LRRC4C: variants seen among roughly 807,000 people sequenced by gnomAD.
LRRC4C encodes leucine-rich repeat-containing protein 4C.
A neutral mutation model predicts 33.6 loss-of-function variants in LRRC4C; 5 were observed. The observed-to-expected ratio is 0.15, with a 90% CI of 0.08 to 0.31. LRRC4C has a LOEUF of 0.31. Ranked by LOEUF, LRRC4C falls within the 10% of genes least tolerant of loss-of-function variation. The pLI is 1.00. For synonymous variants in LRRC4C, 329 were observed against 302.0 expected (o/e 1.09, Z -0.93); for missense variants, 560 against 796.7 (o/e 0.70, Z 3.58).
chr11:41,218,763 AT>A (rs1184491274), intron 1 of LRRC4C, among the ~76,000 whole-genome samples: 5,641 of 108,652 alleles, frequency 0.052, 36 homozygotes, highest in Non-Finnish European at 0.071. Context: ...TGCATATGTC[AT>A]TTTTTTTTTT....
intron 2 of LRRC4C, among the ~76,000 whole-genome samples, chr11:40,766,661 T>C (rs560708970): frequency 1.3e-5 from 2 of 152,248 alleles, no homozygotes; most frequent in East Asian, 1.9e-4. Context: ...TTGACACATG[T>C]ATTATTTTGT....
At chr11:40,177,859 C>T (rs528887809) in intron 5 of LRRC4C, among the ~76,000 whole-genome samples, 8 of 152,212 alleles carry the variant, frequency 5.3e-5, no homozygotes, top group East Asian at 1.9e-4. Context: ...TGATGTACCC[C>T]GAGTGTTTAT....
intron 1 of LRRC4C, among the ~76,000 whole-genome samples, chr11:41,141,476 A>G (rs560109596): frequency 5.9e-4 from 90 of 152,312 alleles, no homozygotes; most frequent in African/African-American, 2.0e-3. Context: ...TTTTAATTTA[A>G]TTATACATGC....
intron 3 of LRRC4C, among the ~76,000 whole-genome samples, chr11:40,500,271 G>GATATATATATATATATATATATATATAT (rs377169790): frequency 9.5e-6 from 1 of 105,036 alleles, no homozygotes; most frequent in Non-Finnish European, 1.9e-5. Context: ...CCTAATGTCT[G>GATATATATATATATATATATATATATAT]ATATATATAT....
intron 2 of LRRC4C, among the ~76,000 whole-genome samples, chr11:40,676,653 T>C (rs558786312): frequency 3.3e-5 from 5 of 152,358 alleles, no homozygotes; most frequent in African/African-American, 1.2e-4. Context: ...CTATCATGCC[T>C]CTTCTCAGTC....
chr11:41,192,688 T>C (rs1196839169), intron 1 of LRRC4C, among the ~76,000 whole-genome samples: 1 of 151,990 alleles, frequency 6.6e-6, no homozygotes, highest in Admixed American at 6.6e-5. Flanking sequence ...AGAATTGCTA[T>C]GAAAAAGGCA....
intron 3 of LRRC4C, among the ~76,000 whole-genome samples, chr11:40,555,053 T>G (rs766298071): frequency 2.6e-5 from 4 of 152,160 alleles, no homozygotes; most frequent in Admixed American, 6.5e-5. Context: ...GGCTATTTAA[T>G]TGAATGTTAT....
intron 1 of LRRC4C, among the ~76,000 whole-genome samples, chr11:41,314,976 G>A (rs952833372): frequency 1.3e-5 from 2 of 152,056 alleles, no homozygotes; most frequent in African/African-American, 4.8e-5. Flanking sequence ...CTGATCTTGA[G>A]CAAACCATTT....
chr11:40,160,473 A>C (rs1240684980), intron 5 of LRRC4C, among the ~76,000 whole-genome samples: 1 of 152,184 alleles, frequency 6.6e-6, no homozygotes, highest in African/African-American at 2.4e-5. Flanking sequence ...GATGTTGATC[A>C]TATATACAAA....
At chr11:40,430,820 C>T (rs1298040244) in intron 3 of LRRC4C, among the ~76,000 whole-genome samples, 1 of 151,070 alleles carries the variant, frequency 6.6e-6, no homozygotes, top group East Asian at 2.0e-4. Context: ...AATTGGAAAT[C>T]ATCATTCTCA....
intron 3 of LRRC4C, among the ~76,000 whole-genome samples, chr11:40,364,903 T>G (rs1350336698): frequency 1.3e-5 from 2 of 151,824 alleles, no homozygotes; most frequent in Non-Finnish European, 2.9e-5. Context: ...AAAACACTGA[T>G]TAAAAAATAC....
At chr11:40,966,769 C>T (rs1478471260) in intron 1 of LRRC4C, among the ~76,000 whole-genome samples, 1 of 151,954 alleles carries the variant, frequency 6.6e-6, no homozygotes, top group Non-Finnish European at 1.5e-5. Context: ...CAATACCCTG[C>T]CATGATTGTC....
intron 2 of LRRC4C, among the ~76,000 whole-genome samples, chr11:40,762,664 T>C (rs1031901967): frequency 6.6e-6 from 1 of 152,172 alleles, no homozygotes; most frequent in Admixed American, 6.6e-5. Flanking sequence ...ATGAGATGCA[T>C]ACCTCAGTCT....
chr11:40,290,492 T>C (rs1444279660), intron 4 of LRRC4C, among the ~76,000 whole-genome samples: 3 of 152,282 alleles, frequency 2.0e-5, no homozygotes, highest in African/African-American at 7.2e-5. Flanking sequence ...TAAGGAGTAA[T>C]GAAAAGGATA....
chr11:40,489,347 A>C (rs2138495726), intron 3 of LRRC4C, among the ~76,000 whole-genome samples: 1 of 152,052 alleles, frequency 6.6e-6, no homozygotes, highest in South Asian at 2.1e-4. Flanking sequence ...ATTTTTCAAA[A>C]CTCAATTTAG....
chr11:40,115,389 G>C lies in LRRC4C; in HGVS notation c.904C>G (p.Pro302Ala). ...AGTATGTCACAGTTACAGTTCCAAG[G>C]GTTGTGATGTAAATGTATCCGCTCT... Reference protein sequence around the residue: ...HLERIHLHHNPWNCNCDILWL... With the variant: ...HLERIHLHHNAWNCNCDILWL... The change falls in exon 7 of 7, where the codon CCT becomes GCT. Residue 302 changes from proline to alanine, a missense_variant. By Grantham distance (27) the Pro-to-Ala change is conservative (BLOSUM62 -1). Coordinates refer to ENST00000528697, the MANE Select transcript of LRRC4C (RefSeq NM_001258419.2). The surrounding 1 kb of genome is among the most constrained non-coding windows in gnomAD (Gnocchi z 6.7). 1 of 1,614,156 alleles carries C rather than the reference G, an allele frequency of 6.2e-7. No individual in the cohort carries two copies. The highest frequency in any genetic ancestry group is 8.5e-7 in the Non-Finnish European group (1 of 1,180,032).
intron 3 of LRRC4C, among the ~76,000 whole-genome samples, chr11:40,341,964 A>G (rs1292685795): frequency 2.6e-5 from 4 of 151,286 alleles, no homozygotes; most frequent in African/African-American, 9.7e-5. Flanking sequence ...TGTGCTTTGT[A>G]TGTTGATAGA....
At chr11:40,914,565 T>C (rs896530442) in intron 2 of LRRC4C, among the ~76,000 whole-genome samples, 2 of 152,152 alleles carry the variant, frequency 1.3e-5, no homozygotes, top group Admixed American at 6.6e-5. Flanking sequence ...ATCAGAGCTA[T>C]CTATGACAAA....
chr11:40,780,240 A>G (rs913714680), intron 2 of LRRC4C, among the ~76,000 whole-genome samples: 2 of 152,180 alleles, frequency 1.3e-5, no homozygotes, highest in Non-Finnish European at 2.9e-5. Context: ...CCAATACAAC[A>G]TACTTTATTT....
Sources: allele counts gnomAD v4.1 joint callset (sites outside exome capture counted in the v4.1 genomes callset), GRCh38; gene constraint gnomAD v4.1.1; non-coding constraint Gnocchi (gnomAD v3.1); transcripts MANE v1.5; gene names NCBI Gene and HGNC (gene_info 2026-07-23, HGNC 2026-07-21).